Variants in KIAA1217 observed in about 807,000 individuals in gnomAD.
The protein encoded by KIAA1217 is KIAA1217.
A neutral mutation model predicts 163.9 loss-of-function variants in KIAA1217; 88 were observed. The ratio of observed to expected loss-of-function variants is 0.54; its 90% CI spans 0.45 to 0.64. The LOEUF (loss-of-function observed/expected upper bound fraction) is 0.64. Ranked by LOEUF, KIAA1217 falls within the 30% of genes least tolerant of loss-of-function variation. KIAA1217 has a pLI of 0.00. For missense variants in KIAA1217, 2,372 were observed against 2,475.0 expected, an observed-to-expected ratio of 0.96 and a Z score of 0.88; for synonymous variants, 903 against 923.1, an observed-to-expected ratio of 0.98 and a Z score of 0.39.
chr10:24,403,965 T>C (rs2056872556), intron 3 of KIAA1217, among the ~76,000 whole-genome samples: 1 of 152,176 alleles, frequency 6.6e-6, no homozygotes, highest in Admixed American at 6.5e-5. Context: ...TTATTCATTT[T>C]TTATTTTTTG....
intron 3 of KIAA1217, among the ~76,000 whole-genome samples, chr10:24,421,937 A>G (rs1469051417): frequency 2.6e-5 from 4 of 152,188 alleles, no homozygotes; most frequent in African/African-American, 9.7e-5. Flanking sequence ...GTCTGTTCTC[A>G]TGCTGCTAAT....
upstream of KIAA1217, among the ~76,000 whole-genome samples, chr10:24,204,383 T>C (rs184148354): frequency 1.2e-4 from 19 of 152,340 alleles, no homozygotes; most frequent in East Asian, 3.5e-3. Context: ...AAATGTATTA[T>C]ACTATGGAAT....
chr10:24,252,709 T>C (rs1434017587), intron 2 of KIAA1217, among the ~76,000 whole-genome samples: 3 of 152,184 alleles, frequency 2.0e-5, no homozygotes, highest in African/African-American at 4.8e-5. Flanking sequence ...TGGACAGGTA[T>C]TGCCCTAGTC....
At chr10:24,067,644 G>A (rs900739734) in intron 2 of KIAA1217, among the ~76,000 whole-genome samples, 2 of 152,220 alleles carry the variant, frequency 1.3e-5, no homozygotes, top group African/African-American at 4.8e-5. Context: ...GCTGCATGCT[G>A]GGAGAACCAC....
intron 1 of KIAA1217, among the ~76,000 whole-genome samples, chr10:23,901,617 TGAAA>T (rs1841957063): frequency 2.0e-5 from 3 of 152,024 alleles, no homozygotes; most frequent in Non-Finnish European, 4.4e-5. Context: ...AGCTAAGAAC[TGAAA>T]TATTTGGCTA....
chr10:24,481,951 A>G (rs1477262167), intron 6 of KIAA1217: 2 of 152,178 alleles, frequency 1.3e-5, no homozygotes, highest in African/African-American at 2.4e-5. Flanking sequence ...TGACATCTCG[A>G]TATGATGTTT....
chr10:23,876,032 C>G (rs28886931), intron 1 of KIAA1217, among the ~76,000 whole-genome samples: 1,935 of 150,950 alleles, frequency 0.013, 61 homozygotes, highest in African/African-American at 0.044. Flanking sequence ...AAACCAACGT[C>G]GCATATGTAT....
At chr10:23,931,740 A>C (rs1843259457) in intron 1 of KIAA1217, among the ~76,000 whole-genome samples, 1 of 152,138 alleles carries the variant, frequency 6.6e-6, no homozygotes, top group South Asian at 2.1e-4. Flanking sequence ...TTTTACTTTA[A>C]TATATGGCAG....
chr10:24,275,513 A>G (rs1319055002), intron 2 of KIAA1217, among the ~76,000 whole-genome samples: 1 of 152,256 alleles, frequency 6.6e-6, no homozygotes, highest in Admixed American at 6.5e-5. Flanking sequence ...TGCCATGTCT[A>G]TGATGACTGC....
At chr10:24,372,749 A>G (rs183690392) in intron 2 of KIAA1217, among the ~76,000 whole-genome samples, 7 of 152,352 alleles carry the variant, frequency 4.6e-5, no homozygotes, top group Admixed American at 4.6e-4. Context: ...ATTATACCCC[A>G]AAATTCCATT....
At chr10:23,883,769 C>T (rs1841054220) in intron 1 of KIAA1217, among the ~76,000 whole-genome samples, 1 of 151,862 alleles carries the variant, frequency 6.6e-6, no homozygotes, top group Admixed American at 6.6e-5. Flanking sequence ...CCTTTGTGCA[C>T]CATCTATTCC....
chr10:24,118,897 G>T (rs535368717), intron 2 of KIAA1217, among the ~76,000 whole-genome samples: 3 of 152,088 alleles, frequency 2.0e-5, no homozygotes, highest in East Asian at 3.9e-4. Flanking sequence ...TGAAATTCAG[G>T]ATTACTTTTA....
chr10:23,833,473 A>C (rs1471246990), intron 1 of KIAA1217, among the ~76,000 whole-genome samples: 1 of 150,290 alleles, frequency 6.7e-6, no homozygotes, highest in East Asian at 2.0e-4. Flanking sequence ...ACAGAGTGAG[A>C]CTGTCTAAAA....
intron 1 of KIAA1217, among the ~76,000 whole-genome samples, chr10:23,712,383 G>A (rs1024045108): frequency 2.0e-5 from 3 of 151,642 alleles, no homozygotes; most frequent in Non-Finnish European, 4.4e-5. Context: ...AGCAAGCCAA[G>A]ATGTTCATTG....
chr10:23,795,729 C>T (rs1005994156), intron 1 of KIAA1217, among the ~76,000 whole-genome samples: 4 of 152,118 alleles, frequency 2.6e-5, no homozygotes, highest in Non-Finnish European at 2.9e-5. Context: ...GGAAGAAATG[C>T]AAAACAAAGA....
chr10:24,501,374 C>T lies in KIAA1217; in HGVS notation c.1835-5C>T. The stretch of plus-strand genomic sequence containing the variant: ...TCTGAGTTCTCTGATGCACTTTTCT[C>T]ATAGGAACGCCCCATGTGTCTGGTG... On this transcript the variant is annotated splice_polypyrimidine_tract_variant and splice_region_variant and intron_variant, in intron 8 of 20. Coordinates refer to ENST00000376454, the MANE Select transcript of KIAA1217 (RefSeq NM_019590.5). 1 of 1,601,922 alleles carries T rather than the reference C, an allele frequency of 6.2e-7. No homozygotes were observed. Among genetic ancestry groups the T allele is most frequent in the Non-Finnish European group, 8.5e-7 (1 of 1,170,456 alleles).
intron 1 of KIAA1217, among the ~76,000 whole-genome samples, chr10:23,709,608 G>T (rs542219388): frequency 2.6e-5 from 4 of 151,972 alleles, no homozygotes; most frequent in Non-Finnish European, 5.9e-5. Context: ...ATGGAAAAAT[G>T]GTTACCTATT....
chr10:24,180,280 CTTTTTTTT>C lies in KIAA1217; in HGVS notation c.-170-39329_-170-39322del, dbSNP rs34268461. ...GCTATATCCTCAACTCCTCAACCTT[CTTTTTTTT>C]TTTTTTTTTTTTTTTTGAGACAGGG... On this transcript the variant is annotated intron_variant, in intron 2 of 18. Coordinates refer to the KIAA1217 transcript ENST00000376462. Among the ~76,000 whole-genome samples, 22 of 83,180 alleles carry C rather than the reference CTTTTTTTT, an allele frequency of 2.6e-4. No homozygotes were observed. In the East Asian group the frequency reaches 6.6e-3, roughly 25 times the overall value. 54.6% of individuals were successfully genotyped at this position (83,180 alleles called of 152,430 possible).
intron 2 of KIAA1217, among the ~76,000 whole-genome samples, chr10:24,029,735 T>C (rs948846297): frequency 6.6e-6 from 1 of 152,202 alleles, no homozygotes; most frequent in Non-Finnish European, 1.5e-5. Flanking sequence ...CTCAGAGTCT[T>C]TATGAGACCA....
Sources: allele counts gnomAD v4.1 joint callset (sites outside exome capture counted in the v4.1 genomes callset), GRCh38; gene constraint gnomAD v4.1.1; transcripts MANE v1.5; gene names NCBI Gene and HGNC (gene_info 2026-07-23, HGNC 2026-07-21).